Variants in INTS13 observed in about 807,000 individuals in gnomAD.
INTS13 encodes asunder, spermatogenesis regulator homolog (Drosphila).
Under a neutral mutation model 90.2 loss-of-function variants are expected in INTS13, and 35 were observed. The observed-to-expected ratio is 0.39, with a 90% confidence interval of 0.30 to 0.51. The LOEUF (loss-of-function observed/expected upper bound fraction) is 0.51. INTS13 is among the 20% of genes least tolerant of loss of function. INTS13 has a pLI of 0.80. For missense variants in INTS13, 601 were observed against 851.2 expected (o/e 0.71, Z 3.66); for synonymous variants, 309 against 277.1 (o/e 1.11, Z -1.14).
Position 26,936,756 on chromosome 12 carries a change from G to A in INTS13, c.48C>T (p.His16=). Residue 16 remains histidine (H), a synonymous_variant, in exon 2 of 17, where the codon CAC becomes CAT. Coordinates refer to ENST00000261191, the MANE Select transcript of INTS13 (RefSeq NM_018164.3). ...ESHKTVFVVD[H]CPYMAESCRQ... is the part of the protein sequence containing the mutation. ...TGCAAGATTCTGCCATATAAGGGCA[G>A]TGATCCACAACAAACACTGTTTTAT... is the stretch of plus-strand genomic sequence containing the variant. 6.2e-7 allele frequency: 1 copy of A among 1,614,118 alleles called. No homozygotes were observed. Among genetic ancestry groups the A allele is most frequent in the Non-Finnish European group, 8.5e-7 (1 of 1,179,998 alleles).
At chr12:26,919,193 A>G (rs1286869241) in intron 8 of INTS13, 3 of 158,044 alleles carry the variant, frequency 1.9e-5, no homozygotes, top group African/African-American at 7.2e-5. Context: ...AAAAGAAAAA[A>G]AAAAAGAAGA....
chr12:26,927,304 G>A (rs1937930100), intron 5 of INTS13, among the ~76,000 whole-genome samples: 1 of 152,196 alleles, frequency 6.6e-6, no homozygotes, highest in South Asian at 2.1e-4. Flanking sequence ...ACAGTCTTGT[G>A]GAACTGAGTC....
chr12:26,905,585 A>AT, intron 16 of INTS13, 49 bp from the exon 17 acceptor site: 2 of 1,524,508 alleles, frequency 1.3e-6, no homozygotes, highest in Non-Finnish European at 1.8e-6. Flanking sequence ...ATTCATTAAC[A>AT]TTTTGTCTCC....
chr12:26,912,090 A>G (rs2046692), intron 14 of INTS13, among the ~76,000 whole-genome samples: 20,802 of 152,252 alleles, frequency 0.14, 1,588 homozygotes, highest in Admixed American at 0.23. Flanking sequence ...GTAGATGATG[A>G]GTAACTATCT....
intron 3 of INTS13, among the ~76,000 whole-genome samples, chr12:26,933,986 T>G (rs113117759): frequency 6.6e-6 from 1 of 152,138 alleles, no homozygotes; most frequent in African/African-American, 2.4e-5. Flanking sequence ...AACATGAAAC[T>G]TTGAAATAAC....
In INTS13 at chr12:26,934,599, T is replaced by C. The variant is rs1046183220; in HGVS notation, c.257A>G (p.His86Arg). The change falls in exon 3 of 17, where the codon CAT becomes CGT. Residue 86 changes from histidine (H) to arginine (R), a missense_variant. Coordinates refer to ENST00000261191, the MANE Select transcript of INTS13 (RefSeq NM_018164.3). ...VNFIVSDSGAHVLNSWTQEDQ... is the reference protein window; with the variant it reads ...VNFIVSDSGARVLNSWTQEDQ... ...TTCTTGAGTCCAAGAATTTAAAACA[T>C]GTGCTCCAGAGTCACTCACAATAAA... 1 of 1,613,748 alleles carries C rather than the reference T, an allele frequency of 6.2e-7. No individual in the cohort carries two copies.
intron 6 of INTS13, 73 bp from the exon 7 acceptor site, chr12:26,924,556 T>G (rs878951554): frequency 2.4e-5 from 34 of 1,413,682 alleles, no homozygotes; most frequent in Non-Finnish European, 3.1e-5. Context: ...AATATTTTAG[T>G]ATAAATCCAT....
At chr12:26,927,209 A>G (rs764643493) in intron 5 of INTS13, among the ~76,000 whole-genome samples, 16 of 152,238 alleles carry the variant, frequency 1.1e-4, no homozygotes, top group African/African-American at 3.9e-4. Flanking sequence ...GAACATGAGG[A>G]GGGGGTTGTG....
At chr12:26,918,458 T>C (rs948289727) in intron 8 of INTS13, among the ~76,000 whole-genome samples, 1 of 152,242 alleles carries the variant, frequency 6.6e-6, no homozygotes, top group East Asian at 1.9e-4. Context: ...GTAATTTTCC[T>C]CCACATTCAT....
chr12:26,911,359 T>C (rs762142506), intron 14 of INTS13, 42 bp from the exon 15 acceptor site: 1 of 1,550,596 alleles, frequency 6.4e-7, no homozygotes, highest in Non-Finnish European at 8.7e-7. Context: ...TTCAAATTTT[T>C]AGAAGTCTAA....
intron 5 of INTS13, among the ~76,000 whole-genome samples, chr12:26,926,129 A>G (rs1937860462): frequency 1.3e-5 from 2 of 152,228 alleles, no homozygotes; most frequent in Admixed American, 1.3e-4. Context: ...CTAATTTTCA[A>G]TAGATAACTG....
chr12:26,928,128 A>G (rs944736098), intron 5 of INTS13, 77 bp downstream of exon 5: 2 of 1,041,108 alleles, frequency 1.9e-6, no homozygotes, highest in Non-Finnish European at 2.8e-6. Flanking sequence ...AAACGCTACC[A>G]GTCAAGTTAT....
intron 5 of INTS13, 35 bp downstream of exon 5, chr12:26,928,170 T>G (rs749316418): frequency 1.4e-6 from 2 of 1,450,238 alleles, no homozygotes; most frequent in Non-Finnish European, 1.9e-6. Flanking sequence ...TCTATCCACA[T>G]GAACATATTT....
At chr12:26,927,422 A>C (rs1029690028) in intron 5 of INTS13, among the ~76,000 whole-genome samples, 1 of 152,190 alleles carries the variant, frequency 6.6e-6, no homozygotes, top group Non-Finnish European at 1.5e-5. Flanking sequence ...GCGGAAGAAA[A>C]ACCCACACAT....
At position 26,916,134 on chromosome 12, in the gene INTS13, G is replaced by A; in HGVS notation, c.1116C>T (p.Val372=). ...LEQPRKSGSK[V]ISHMLSSHGG... ...CATGGCTACTAAGCATATGACTAAT[G>A]ACTTTAGAACCTGACTTTCGTGGTT... The change falls in exon 11 of 17, where the codon GTC becomes GTT. Residue 372 remains valine, a synonymous_variant. Coordinates refer to ENST00000261191, the MANE Select transcript of INTS13 (RefSeq NM_018164.3). 6.2e-7 allele frequency: 1 copy of A among 1,613,636 alleles called. No individual in the cohort carries two copies. The highest frequency in any genetic ancestry group is 1.1e-5 in the South Asian group (1 of 91,060).
chr12:26,924,832 G>A (rs1937778285), intron 6 of INTS13, among the ~76,000 whole-genome samples: 1 of 151,982 alleles, frequency 6.6e-6, no homozygotes, highest in African/African-American at 2.4e-5. Flanking sequence ...AAAATGATTT[G>A]AAGTACACTG....
intron 3 of INTS13, among the ~76,000 whole-genome samples, chr12:26,929,569 A>G (rs556651424): frequency 1.3e-5 from 2 of 151,984 alleles, no homozygotes; most frequent in African/African-American, 4.8e-5. Flanking sequence ...AAAAGAAAAA[A>G]AAAAAAAAAC....
intron 7 of INTS13, 51 bp from the exon 8 acceptor site, chr12:26,922,751 T>C (rs767525805): frequency 2.6e-6 from 3 of 1,149,192 alleles, no homozygotes; most frequent in Non-Finnish European, 3.7e-6. Flanking sequence ...GCTTTCAAAA[T>C]AATAAAATTA....
At chr12:26,909,140 C>T (rs1265345653) in intron 15 of INTS13, among the ~76,000 whole-genome samples, 1 of 152,202 alleles carries the variant, frequency 6.6e-6, no homozygotes, top group Non-Finnish European at 1.5e-5. Context: ...GCAGGCGAAT[C>T]ACCTGAGGTC....
Sources: gnomAD v4.1 joint callset for allele counts (sites outside exome capture counted in the v4.1 genomes callset) on GRCh38, gnomAD v4.1.1 for gene constraint, MANE v1.5 for transcripts, NCBI Gene and HGNC (gene_info 2026-07-23, HGNC 2026-07-21) for gene names.